Variants in ZNF451 observed in about 807,000 individuals in gnomAD.
ZNF451 encodes the protein E3 SUMO-protein ligase ZNF451.
ZNF451 carries 80 observed loss-of-function variants against 107.1 expected under a neutral mutation model. That is an observed-to-expected ratio of 0.75 (90% confidence interval 0.62 to 0.90). The LOEUF is 0.90. ZNF451 is among the 40% of genes least tolerant of loss of function. The probability of loss-of-function intolerance (pLI) is 0.00; values close to 1 mark genes in which losing one functional copy is unlikely to be tolerated. For missense variants in ZNF451, 1,107 were observed against 1,236.2 expected, an observed-to-expected ratio of 0.90 and a Z score of 1.57; for synonymous variants, 362 against 406.5, an observed-to-expected ratio of 0.89 and a Z score of 1.32.
intron 14 of ZNF451, chr6:57,165,240 C>T (rs528360249): frequency 9.2e-5 from 14 of 152,192 alleles, no homozygotes; most frequent in African/African-American, 3.1e-4. Flanking sequence ...CATTGAGCTT[C>T]TTGGATATGT....
At chr6:57,156,966 G>GCTGCTCACCTC (rs1314126119) in intron 13 of ZNF451, among the ~76,000 whole-genome samples, 4 of 152,326 alleles carry the variant, frequency 2.6e-5, no homozygotes, top group African/African-American at 4.8e-5. Flanking sequence ...TGGCTCACCT[G>GCTGCTCACCTC]CTGCTCACCT....
intron 13 of ZNF451, chr6:57,158,842 T>G: frequency 2.0e-6 from 2 of 985,454 alleles, no homozygotes; most frequent in Non-Finnish European, 2.4e-6. Context: ...GTGGCTTCAT[T>G]GTGGATGAGT....
chr6:57,094,333 CAG>C (rs1217056164), intron 2 of ZNF451, among the ~76,000 whole-genome samples: 1 of 151,806 alleles, frequency 6.6e-6, no homozygotes, highest in African/African-American at 2.4e-5. Flanking sequence ...ATTTCAGAGA[CAG>C]GGTCTCACTC....
At chr6:57,095,005 C>G (rs748600765) in intron 2 of ZNF451, among the ~76,000 whole-genome samples, 1 of 152,130 alleles carries the variant, frequency 6.6e-6, no homozygotes, top group Non-Finnish European at 1.5e-5. Flanking sequence ...AGGCATGGTA[C>G]AGGGCTCAAT....
chr6:57,107,418 A>G, intron 3 of ZNF451: 2 of 985,238 alleles, frequency 2.0e-6, no homozygotes, highest in East Asian at 1.1e-4. Flanking sequence ...AAATATAGCC[A>G]GTCCAATATC....
chr6:57,133,643 C>G (rs1038010710), intron 6 of ZNF451, among the ~76,000 whole-genome samples: 7 of 152,094 alleles, frequency 4.6e-5, no homozygotes, highest in African/African-American at 1.7e-4. Flanking sequence ...TATTGAAACC[C>G]ATTTTATCAA....
At chr6:57,127,525 G>A (rs1265484185) in intron 4 of ZNF451, among the ~76,000 whole-genome samples, 2 of 152,060 alleles carry the variant, frequency 1.3e-5, no homozygotes, top group African/African-American at 2.4e-5. Flanking sequence ...CATTATTATG[G>A]TTTATATCTT....
chr6:57,101,827 CA>C, intron 3 of ZNF451: 1 of 1,550,570 alleles, frequency 6.4e-7, no homozygotes, highest in Non-Finnish European at 8.7e-7. Context: ...TAAGAAAACC[CA>C]GGAGAAGATC....
chr6:57,103,529 A>G (rs1829705126), intron 3 of ZNF451: 1 of 985,242 alleles, frequency 1.0e-6, no homozygotes, highest in Non-Finnish European at 1.2e-6. Flanking sequence ...TAGTGGATGT[A>G]TGGTATATCA....
intron 3 of ZNF451, among the ~76,000 whole-genome samples, chr6:57,117,994 G>GA (rs1264196990): frequency 6.6e-6 from 1 of 152,012 alleles, no homozygotes; most frequent in African/African-American, 2.4e-5. Flanking sequence ...TCGGAGAGAT[G>GA]AAAAAAATCC....
rs751420128 is a variant in ZNF451, at chr6:57,147,195, C to G, written c.1110C>G (p.Val370=). ...LRGYCPDCNQ[V]FVDETSTQNH... is the part of the protein sequence containing the mutation. Reference sequence around the variant, plus strand: ...GTTATTGTCCAGATTGCAATCAAGTCTTTGTGGATGAAACCAGCACCCAAA... The same window carrying G: ...GTTATTGTCCAGATTGCAATCAAGTGTTTGTGGATGAAACCAGCACCCAAA... Residue 370 remains valine (V), a synonymous_variant, in exon 10 of 15, where the codon GTC becomes GTG. Coordinates refer to ENST00000370706, the MANE Select transcript of ZNF451 (RefSeq NM_001031623.3). 1.2e-6 allele frequency: 2 copies of G among 1,614,062 alleles called. No individual in the cohort carries two copies. Among genetic ancestry groups the G allele is most frequent in the Non-Finnish European group, 1.7e-6 (2 of 1,179,964 alleles).
chr6:57,145,367 T>G (rs942649063), intron 9 of ZNF451, among the ~76,000 whole-genome samples: 17 of 152,202 alleles, frequency 1.1e-4, no homozygotes, highest in Non-Finnish European at 5.9e-5. Context: ...ATTGTGAAGC[T>G]CAGATATCTG....
chr6:57,120,432 A>G (rs1364748603), intron 3 of ZNF451, among the ~76,000 whole-genome samples: 1 of 152,232 alleles, frequency 6.6e-6, no homozygotes, highest in African/African-American at 2.4e-5. Context: ...TTGAGTAACA[A>G]CCAAGAAGTC....
chr6:57,156,584 T>C (rs995725338), intron 13 of ZNF451, among the ~76,000 whole-genome samples: 1 of 152,198 alleles, frequency 6.6e-6, no homozygotes, highest in Non-Finnish European at 1.5e-5. Context: ...CTGGACCTTT[T>C]TGAGAATCTG....
At chr6:57,098,980 C>G (rs941177808) in intron 2 of ZNF451, 81 bp from the exon 3 acceptor site, 59 of 1,138,754 alleles carry the variant, frequency 5.2e-5, no homozygotes, top group Middle Eastern at 2.3e-4. Flanking sequence ...CAGTCCCAAC[C>G]AAAAAAAACA....
At chr6:57,116,596 A>G (rs542845973) in intron 3 of ZNF451, 1 of 152,270 alleles carries the variant, frequency 6.6e-6, no homozygotes, top group South Asian at 2.1e-4. Flanking sequence ...AGTCTGCCTC[A>G]TATACCTAAT....
At chr6:57,109,546 ATATGGTATTC>A in intron 3 of ZNF451, 1 of 985,394 alleles carries the variant, frequency 1.0e-6, no homozygotes, top group Non-Finnish European at 1.2e-6. Flanking sequence ...TTCATATTGG[ATATGGTATTC>A]TATGGTATTG....
At chr6:57,165,331 C>T (rs1343197659) in intron 14 of ZNF451, 1 of 152,130 alleles carries the variant, frequency 6.6e-6, no homozygotes, top group Non-Finnish European at 1.5e-5. Context: ...TTGCACTTCC[C>T]CTCTTGAGAC....
intron 3 of ZNF451, chr6:57,115,500 C>G (rs771180712): frequency 6.6e-6 from 1 of 152,184 alleles, no homozygotes; most frequent in African/African-American, 2.4e-5. Context: ...CAGGTGTAAC[C>G]AGTATCCTCA....
Sources: gnomAD v4.1 joint callset for allele counts (sites outside exome capture counted in the v4.1 genomes callset) on GRCh38, gnomAD v4.1.1 for gene constraint, MANE v1.5 for transcripts, NCBI Gene and HGNC (gene_info 2026-07-23, HGNC 2026-07-21) for gene names.